ASIC2: variants seen among roughly 807,000 people sequenced by gnomAD.
ASIC2 encodes acid sensing ion channel subunit 2, also known as acid-sensing ion channel 2.
ASIC2 carries 25 observed loss-of-function variants against 57.3 expected under a neutral mutation model. The observed-to-expected ratio is 0.44, with a 90% CI of 0.32 to 0.61. The LOEUF (loss-of-function observed/expected upper bound fraction) is 0.61, where lower values mean the gene tolerates loss of function less well. Among genes scored for constraint, ASIC2 ranks in the 20% least tolerant of loss-of-function variants. The pLI is 0.06. For missense variants in ASIC2, 641 were observed against 738.1 expected (o/e 0.87, Z 1.52); for synonymous variants, 319 against 307.5 (o/e 1.04, Z -0.39).
intron 1 of ASIC2, among the ~76,000 whole-genome samples, chr17:33,668,704 T>C (rs1399663076): frequency 2.0e-5 from 3 of 152,208 alleles, no homozygotes; most frequent in Non-Finnish European, 4.4e-5. Flanking sequence ...CTTATTCTGC[T>C]GACCTCAGCT....
intron 1 of ASIC2, among the ~76,000 whole-genome samples, chr17:33,378,024 C>T (rs955293959): frequency 6.6e-6 from 1 of 152,172 alleles, no homozygotes; most frequent in Non-Finnish European, 1.5e-5. Flanking sequence ...CAGCAGATAC[C>T]CCCTGGTAGG....
chr17:33,739,526 T>C (rs370486897), intron 1 of ASIC2, among the ~76,000 whole-genome samples: 1 of 152,232 alleles, frequency 6.6e-6, no homozygotes, highest in South Asian at 2.1e-4. Context: ...GAGCTGCAGT[T>C]GCAGAAATAT....
chr17:33,539,175 A>G (rs1915328356), intron 1 of ASIC2, among the ~76,000 whole-genome samples: 1 of 152,198 alleles, frequency 6.6e-6, no homozygotes, highest in Non-Finnish European at 1.5e-5. Flanking sequence ...CAAAGAGGTT[A>G]ATTTCTCACT....
chr17:33,619,838 T>C (rs1217333097), intron 1 of ASIC2, among the ~76,000 whole-genome samples: 1 of 151,224 alleles, frequency 6.6e-6, no homozygotes, highest in Non-Finnish European at 1.5e-5. Flanking sequence ...GCAGATATTA[T>C]TTGAAAAAAA....
chr17:33,120,755 T>C (rs1458701475), intron 1 of ASIC2, among the ~76,000 whole-genome samples: 1 of 152,244 alleles, frequency 6.6e-6, no homozygotes, highest in Non-Finnish European at 1.5e-5. Context: ...TGCTTGCTCT[T>C]TCTTCTGAGG....
At chr17:33,017,487 G>A (rs1286619785) in intron 8 of ASIC2, 118 bp downstream of exon 8, 5 of 801,652 alleles carry the variant, frequency 6.2e-6, no homozygotes, top group Non-Finnish European at 9.9e-6. Flanking sequence ...TGGACAGGAG[G>A]GGAAGCAGGC....
intron 1 of ASIC2, among the ~76,000 whole-genome samples, chr17:33,643,357 A>G (rs1182894096): frequency 1.3e-5 from 2 of 152,202 alleles, no homozygotes; most frequent in Non-Finnish European, 2.9e-5. Flanking sequence ...ATGGTGCTCT[A>G]TGACATTTTC....
Position 33,352,761 on chromosome 17 carries a change from G to T in ASIC2, c.556-240694C>A, listed in dbSNP as rs570595902. On this transcript the variant is annotated intron_variant, in intron 1 of 9. Transcript: ENST00000359872. ...GGTGCATGCACCTCAACACTCAGCA[G>T]GTCCTCACGTTCACCTGCTGCCTCT... 1.8e-4 allele frequency among the ~76,000 whole-genome samples: 28 copies of T among 152,246 alleles called. No individual in the cohort carries two copies. The South Asian group carries it at 4.8e-3, about 26-fold the overall frequency.
Position 33,215,242 on chromosome 17 carries a change from G to C in ASIC2, c.708+76166C>G, listed in dbSNP as rs547418499. 3.3e-5 allele frequency among the ~76,000 whole-genome samples: 5 copies of C among 152,240 alleles called. No individual in the cohort carries two copies. The East Asian group carries it at 9.6e-4, about 29-fold the overall frequency. On this transcript the variant is annotated intron_variant, in intron 1 of 9. Coordinates refer to ENST00000225823, the MANE Select transcript of ASIC2 (RefSeq NM_183377.2). Reference sequence around the variant, plus strand: ...GATTCTCATACGATTCTGGGGAGAGGGTACATTTGGGCAACTGATTGGAAA... The same window carrying C: ...GATTCTCATACGATTCTGGGGAGAGCGTACATTTGGGCAACTGATTGGAAA...
intron 1 of ASIC2, among the ~76,000 whole-genome samples, chr17:33,278,185 A>G (rs1597663003): frequency 2.0e-5 from 3 of 148,380 alleles, no homozygotes; most frequent in Admixed American, 2.0e-4. Flanking sequence ...GTTCCCTATC[A>G]GATGCCCTTA....
At chr17:33,015,471 A>AAGTGCCTGAC (rs2091800786) in intron 9 of ASIC2, among the ~76,000 whole-genome samples, 1 of 152,164 alleles carries the variant, frequency 6.6e-6, no homozygotes, top group Non-Finnish European at 1.5e-5. Context: ...CTCAAATACA[A>AAGTGCCTGAC]AGTGCCTGAC....
At chr17:33,719,920 A>T (rs1200826562) in intron 1 of ASIC2, among the ~76,000 whole-genome samples, 1 of 152,200 alleles carries the variant, frequency 6.6e-6, no homozygotes, top group Non-Finnish European at 1.5e-5. Context: ...TCACTCTGTC[A>T]CCCAGGCTGG....
chr17:33,279,242 G>C (rs1904839769), intron 1 of ASIC2, among the ~76,000 whole-genome samples: 1 of 152,176 alleles, frequency 6.6e-6, no homozygotes, highest in Non-Finnish European at 1.5e-5. Context: ...TCTCCTCAGA[G>C]ACAGCCTGCT....
chr17:34,094,823 A>T (rs1169582324), intron 1 of ASIC2, among the ~76,000 whole-genome samples: 1 of 152,212 alleles, frequency 6.6e-6, no homozygotes, highest in Non-Finnish European at 1.5e-5. Context: ...CATGCAAAGC[A>T]CTGTTCTTGG....
chr17:33,434,645 G>A (rs1911542509), intron 1 of ASIC2, among the ~76,000 whole-genome samples: 1 of 152,150 alleles, frequency 6.6e-6, no homozygotes, highest in Non-Finnish European at 1.5e-5. Context: ...GTAACTCATC[G>A]ATATACAAGA....
In ASIC2 at chr17:33,346,175, C is replaced by G. The variant is rs1031326174; in HGVS notation, c.556-234108G>C. On this transcript the variant is annotated intron_variant, in intron 1 of 9. Coordinates refer to the ASIC2 transcript ENST00000359872. The stretch of plus-strand genomic sequence containing the variant: ...CTGGGAGGCGGAGGTTGCAATGAAC[C>G]GAGATTGTGCCACTGCACTCCAGCC... Among the ~76,000 whole-genome samples the G allele has an allele frequency of 4.0e-5, 5 of 125,362 alleles. No homozygotes were observed. In the East Asian group the frequency reaches 1.3e-3, roughly 33 times the overall value. The allele number at this position is 125,362 out of a possible 152,430, so 82.2% of individuals were successfully genotyped here. A position where few individuals can be genotyped will look rare whatever the true frequency, so the allele number is the denominator to read the frequency against.
intron 1 of ASIC2, among the ~76,000 whole-genome samples, chr17:33,167,142 A>T (rs1905335245): frequency 6.6e-6 from 1 of 152,110 alleles, no homozygotes; most frequent in South Asian, 2.1e-4. Context: ...CCCCAGACCA[A>T]CACATGACAC....
At chr17:33,097,485 C>T (rs141637209) in intron 2 of ASIC2, among the ~76,000 whole-genome samples, 5 of 152,314 alleles carry the variant, frequency 3.3e-5, no homozygotes, top group East Asian at 3.9e-4. Flanking sequence ...GACCCCTTGA[C>T]GATTTAGCTA....
At chr17:33,550,887 G>A (rs917465863) in intron 1 of ASIC2, among the ~76,000 whole-genome samples, 1 of 152,140 alleles carries the variant, frequency 6.6e-6, no homozygotes, top group African/African-American at 2.4e-5. Context: ...TACATTTTAG[G>A]TAGGAAACAG....
Sources: gnomAD v4.1 joint callset for allele counts (sites outside exome capture counted in the v4.1 genomes callset) on GRCh38, gnomAD v4.1.1 for gene constraint, MANE v1.5 for transcripts, NCBI Gene and HGNC (gene_info 2026-07-23, HGNC 2026-07-21) for gene names.